Variants in CAST observed in about 807,000 individuals in gnomAD.
CAST encodes the protein MIR583 host.
A neutral mutation model predicts 119.6 loss-of-function variants in CAST; 76 were observed. That is an observed-to-expected ratio of 0.64 (90% CI 0.53 to 0.77). CAST has a LOEUF of 0.77. CAST is among the 30% of genes least tolerant of loss of function. CAST has a pLI of 0.00. For synonymous variants in CAST, 319 were observed against 331.6 expected, an observed-to-expected ratio of 0.96 and a Z score of 0.41; for missense variants, 953 against 946.5, an observed-to-expected ratio of 1.01 and a Z score of -0.09.
At chr5:96,579,002 T>G (rs549568427) in intron 1 of CAST, among the ~76,000 whole-genome samples, 6 of 152,302 alleles carry the variant, frequency 3.9e-5, no homozygotes, top group African/African-American at 1.4e-4. Flanking sequence ...CAGTATTGCT[T>G]GAAGAAAGTG....
chr5:96,523,284 C>T (rs1745546079), upstream of CAST, among the ~76,000 whole-genome samples: 1 of 152,212 alleles, frequency 6.6e-6, no homozygotes, highest in African/African-American at 2.4e-5. Flanking sequence ...CCTCTTGCTC[C>T]CCATAGGGAT....
the CAST span, among the ~76,000 whole-genome samples, chr5:96,508,097 G>T: frequency 1.3e-5 from 2 of 151,770 alleles, no homozygotes; most frequent in Non-Finnish European, 2.9e-5. Flanking sequence ...CTAGCCTTAA[G>T]GGATCCTCCC....
At chr5:96,670,844 G>A (rs1749973608) in intron 1 of CAST, among the ~76,000 whole-genome samples, 1 of 152,158 alleles carries the variant, frequency 6.6e-6, no homozygotes. Flanking sequence ...TCCCTTGGCT[G>A]TCTATGTATC....
At chr5:96,507,642 A>G in the CAST span, among the ~76,000 whole-genome samples, 2 of 152,106 alleles carry the variant, frequency 1.3e-5, no homozygotes, top group Non-Finnish European at 2.9e-5. Context: ...GTCTATGACT[A>G]TTTTCCTCAC....
the CAST span, among the ~76,000 whole-genome samples, chr5:96,120,080 C>A: frequency 3.3e-5 from 5 of 152,258 alleles, no homozygotes; most frequent in Non-Finnish European, 7.4e-5. Context: ...ATCTAATGGA[C>A]ATAAATAGCT....
chr5:96,468,239 T>C, the CAST span, among the ~76,000 whole-genome samples: 4 of 151,902 alleles, frequency 2.6e-5, no homozygotes, highest in African/African-American at 9.7e-5. Flanking sequence ...ATGGGGAGTG[T>C]GGAGAGGAGT....
the CAST span, among the ~76,000 whole-genome samples, chr5:96,309,219 A>T: frequency 1.3e-5 from 2 of 152,210 alleles, no homozygotes; most frequent in African/African-American, 4.8e-5. Flanking sequence ...GGCTCCGCCC[A>T]GTTCGAACTT....
intron 3 of CAST, among the ~76,000 whole-genome samples, chr5:96,704,747 T>G (rs1561493746): frequency 6.6e-6 from 1 of 152,234 alleles, no homozygotes. Context: ...ACATATCGCA[T>G]AGTTTTTCTG....
chr5:96,167,406 G>A, the CAST span, among the ~76,000 whole-genome samples: 1 of 152,158 alleles, frequency 6.6e-6, no homozygotes, highest in African/African-American at 2.4e-5. Context: ...GTCCAAGTTG[G>A]TCTGGTGTCT....
chr5:96,183,195 A>ATAATAATAC, the CAST span, among the ~76,000 whole-genome samples: 74 of 144,684 alleles, frequency 5.1e-4, no homozygotes, highest in Non-Finnish European at 8.5e-4. Flanking sequence ...AATAATAATA[A>ATAATAATAC]TACAATGTTT....
intron 25 of CAST, 157 bp downstream of exon 25, chr5:96,762,529 G>C: frequency 1.9e-6 from 1 of 520,812 alleles, no homozygotes; most frequent in East Asian, 3.1e-5. Context: ...GATTTAGCGA[G>C]ATGGCAGAGA....
chr5:96,195,835 A>G, the CAST span, among the ~76,000 whole-genome samples: 1 of 152,194 alleles, frequency 6.6e-6, no homozygotes, highest in Non-Finnish European at 1.5e-5. Flanking sequence ...CTCAAATCAC[A>G]TATTAGTTTA....
At chr5:96,049,920 A>AAAAAAAAAAAAAAG in the CAST span, among the ~76,000 whole-genome samples, 1 of 149,252 alleles carries the variant, frequency 6.7e-6, no homozygotes, top group Non-Finnish European at 1.5e-5. Context: ...AAAAAAAAGA[A>AAAAAAAAAAAAAAG]AAAGAAAAAA....
the CAST span, among the ~76,000 whole-genome samples, chr5:96,180,266 A>G: frequency 6.6e-6 from 1 of 152,240 alleles, no homozygotes; most frequent in Non-Finnish European, 1.5e-5. Context: ...GAAAAGTTAC[A>G]ATGCATTTTA....
chr5:96,639,472 C>T (rs1332009346), intron 1 of CAST, among the ~76,000 whole-genome samples: 3 of 152,210 alleles, frequency 2.0e-5, no homozygotes, highest in Non-Finnish European at 4.4e-5. Flanking sequence ...TGCTCCTGCA[C>T]TTGTTCAGAA....
At chr5:96,462,490 A>T in the CAST span, among the ~76,000 whole-genome samples, 1 of 152,120 alleles carries the variant, frequency 6.6e-6, no homozygotes, top group South Asian at 2.1e-4. Flanking sequence ...TTGGGTTGTT[A>T]TAAGGACTTT....
chr5:96,058,199 C>T, the CAST span, among the ~76,000 whole-genome samples: 18 of 152,078 alleles, frequency 1.2e-4, no homozygotes, highest in African/African-American at 3.6e-4. Flanking sequence ...ACACTGAGTC[C>T]CTCCCTGGGA....
At chr5:96,534,676 AAG>A (rs1243543834) in intron 1 of CAST, among the ~76,000 whole-genome samples, 3 of 131,062 alleles carry the variant, frequency 2.3e-5, no homozygotes, top group Non-Finnish European at 3.2e-5. Flanking sequence ...CAAAGAAAGA[AAG>A]AGAGAGAGAG....
chr5:96,482,455 C>T, the CAST span, among the ~76,000 whole-genome samples: 4 of 151,534 alleles, frequency 2.6e-5, no homozygotes, highest in African/African-American at 9.7e-5. Flanking sequence ...TCCTCCAGGT[C>T]TCTTAGAGGA....
Sources: gnomAD v4.1 joint callset for allele counts (sites outside exome capture counted in the v4.1 genomes callset) on GRCh38, gnomAD v4.1.1 for gene constraint, MANE v1.5 for transcripts, NCBI Gene and HGNC (gene_info 2026-07-23, HGNC 2026-07-21) for gene names.